The following PPARG variants were observed in gnomAD, a reference collection of about 807,000 sequenced individuals.
PPARG encodes the protein peroxisome proliferator activated receptor gamma, also known as peroxisome proliferator-activated receptor gamma.
PPARG carries 17 observed loss-of-function variants against 39.2 expected under a neutral mutation model. That is an observed-to-expected ratio of 0.43 (90% confidence interval 0.30 to 0.65). PPARG has a LOEUF of 0.65. Among genes scored for constraint, PPARG ranks in the 30% least tolerant of loss-of-function variants. The pLI is 0.13. For missense variants in PPARG, 406 were observed against 585.9 expected, an observed-to-expected ratio of 0.69 and a Z score of 3.17; for synonymous variants, 223 against 215.7, an observed-to-expected ratio of 1.03 and a Z score of -0.30.
At chr3:12,357,312 C>T (rs2048700148) in intron 2 of PPARG, among the ~76,000 whole-genome samples, 1 of 152,172 alleles carries the variant, frequency 6.6e-6, no homozygotes, top group Non-Finnish European at 1.5e-5. Context: ...CTGCTCCAAG[C>T]ACGCCGGCCT....
chr3:12,407,892 A>T (rs894164317), intron 6 of PPARG, among the ~76,000 whole-genome samples: 2 of 152,024 alleles, frequency 1.3e-5, no homozygotes, highest in Non-Finnish European at 2.9e-5. Flanking sequence ...TTTACAGTAT[A>T]AAAAAAACCT....
chr3:12,316,793 A>G (rs531321184), intron 2 of PPARG, among the ~76,000 whole-genome samples: 1 of 152,124 alleles, frequency 6.6e-6, no homozygotes, highest in African/African-American at 2.4e-5. Flanking sequence ...TGGCCTGTGT[A>G]CCATAAATTG....
chr3:12,310,802 A>C (rs1298453468), intron 1 of PPARG, among the ~76,000 whole-genome samples: 212 of 146,340 alleles, frequency 1.4e-3, no homozygotes, highest in African/African-American at 5.0e-3. Flanking sequence ...AAAAAAAAAA[A>C]AAAAAAAAAA....
chr3:12,332,953 C>G (rs894782614), intron 2 of PPARG, among the ~76,000 whole-genome samples: 1 of 152,162 alleles, frequency 6.6e-6, no homozygotes, highest in Non-Finnish European at 1.5e-5. Flanking sequence ...ATCGCTTGAG[C>G]CCGGGAGGTC....
At chr3:12,366,455 G>T (rs867645844) in intron 2 of PPARG, among the ~76,000 whole-genome samples, 5 of 151,346 alleles carry the variant, frequency 3.3e-5, no homozygotes, top group African/African-American at 1.2e-4. Context: ...GTCTTGTTAC[G>T]TTAGCTAAGA....
At chr3:12,371,833 C>T (rs2049225068) in intron 2 of PPARG, 1 of 673,076 alleles carries the variant, frequency 1.5e-6, no homozygotes, top group Non-Finnish European at 2.7e-6. Context: ...GATCTCAAAA[C>T]AGCCTTTTCT....
intron 7 of PPARG, among the ~76,000 whole-genome samples, chr3:12,421,827 G>T (rs1019333522): frequency 5.3e-5 from 8 of 152,130 alleles, no homozygotes; most frequent in Admixed American, 5.2e-4. Context: ...CCACCTCAAG[G>T]GCAGCTCCTT....
At chr3:12,423,881 T>G (rs1274418902) in intron 7 of PPARG, among the ~76,000 whole-genome samples, 1 of 152,056 alleles carries the variant, frequency 6.6e-6, no homozygotes, top group Non-Finnish European at 1.5e-5. Context: ...AGCCAAAGAG[T>G]ATTATTGCAT....
chr3:12,288,698 G>C (rs2124911255), upstream of PPARG: 1 of 152,464 alleles, frequency 6.6e-6, no homozygotes, highest in Non-Finnish European at 1.5e-5. Flanking sequence ...GCCAGGCCCT[G>C]TGCCCTGACG....
intron 1 of PPARG, among the ~76,000 whole-genome samples, chr3:12,306,526 C>T (rs2124972561): frequency 6.6e-6 from 1 of 152,300 alleles, no homozygotes. Flanking sequence ...TGCACAGGAG[C>T]CTACTTTGCA....
chr3:12,288,591 C>A (rs190568172), upstream of PPARG, among the ~76,000 whole-genome samples: 831 of 152,194 alleles, frequency 5.5e-3, 6 homozygotes, highest in African/African-American at 0.019. Flanking sequence ...GCGCGGCACC[C>A]CTGCTGAGGA....
At chr3:12,293,011 C>T (rs1362054429) in intron 1 of PPARG, among the ~76,000 whole-genome samples, 6 of 152,238 alleles carry the variant, frequency 3.9e-5, no homozygotes, top group Admixed American at 2.0e-4. Context: ...TGTCCCTGTC[C>T]GGGAGTGGGG....
intron 2 of PPARG, among the ~76,000 whole-genome samples, chr3:12,373,474 G>A (rs1013621851): frequency 2.0e-5 from 3 of 152,076 alleles, no homozygotes; most frequent in Non-Finnish European, 4.4e-5. Context: ...ATCGTTAAGG[G>A]GAATGGTTAT....
At chr3:12,386,519 T>C (rs1244117047) in intron 4 of PPARG, among the ~76,000 whole-genome samples, 1 of 151,364 alleles carries the variant, frequency 6.6e-6, no homozygotes, top group African/African-American at 2.4e-5. Context: ...AACTTAATTC[T>C]CTTTTTTTTT....
intron 4 of PPARG, among the ~76,000 whole-genome samples, chr3:12,386,672 T>A (rs138282573): frequency 6.6e-6 from 1 of 152,286 alleles, no homozygotes; most frequent in African/African-American, 2.4e-5. Flanking sequence ...TCAGAATGGT[T>A]AATGTTCTAC....
At chr3:12,339,397 C>G (rs555414694) in intron 2 of PPARG, among the ~76,000 whole-genome samples, 16 of 152,144 alleles carry the variant, frequency 1.1e-4, no homozygotes, top group Non-Finnish European at 1.9e-4. Context: ...GTGATGGTTG[C>G]AAAGCTTGGT....
At chr3:12,408,445 A>T (rs1048479419) in intron 6 of PPARG, among the ~76,000 whole-genome samples, 3 of 152,232 alleles carry the variant, frequency 2.0e-5, no homozygotes, top group African/African-American at 7.2e-5. Flanking sequence ...TGCGTAGCTG[A>T]TTGGACTACA....
At chr3:12,422,888 AAAAAAG>A (rs1246627568) in intron 7 of PPARG, among the ~76,000 whole-genome samples, 1 of 152,076 alleles carries the variant, frequency 6.6e-6, no homozygotes, top group Non-Finnish European at 1.5e-5. Flanking sequence ...TCTCAAAAAA[AAAAAAG>A]AAAAGAAAAA....
chr3:12,369,459 G>A (rs944253443), intron 2 of PPARG, among the ~76,000 whole-genome samples: 2 of 151,994 alleles, frequency 1.3e-5, no homozygotes, highest in Non-Finnish European at 2.9e-5. Flanking sequence ...GTTACAGCAC[G>A]ACAGCCTGGG....
Sources: allele counts gnomAD v4.1 joint callset (sites outside exome capture counted in the v4.1 genomes callset), GRCh38; gene constraint gnomAD v4.1.1; transcripts MANE v1.5; gene names NCBI Gene and HGNC (gene_info 2026-07-23, HGNC 2026-07-21).